The following MLH3 variants were observed in gnomAD, a reference collection of about 807,000 sequenced individuals.
The protein encoded by MLH3 is mutL homolog 3.
A neutral mutation model predicts 122.2 loss-of-function variants in MLH3; 82 were observed. The observed-to-expected ratio is 0.67, with a 90% CI of 0.56 to 0.81. MLH3 has a LOEUF of 0.81. MLH3 is among the 30% of genes least tolerant of loss of function. The probability of loss-of-function intolerance (pLI) is 0.00; values close to 1 mark genes in which losing one functional copy is unlikely to be tolerated. For synonymous variants in MLH3, 524 were observed against 599.5 expected (o/e 0.87, Z 1.84); for missense variants, 1,539 against 1,714.5 (o/e 0.90, Z 1.81).
intron 11 of MLH3, among the ~76,000 whole-genome samples, chr14:75,022,243 T>G (rs175055): frequency 0.44 from 66,556 of 151,948 alleles, 14,993 homozygotes; most frequent in Middle Eastern, 0.52. Flanking sequence ...CAAAATAATC[T>G]GTACACCAAA....
chr14:75,018,242 C>T (rs540418500), intron 12 of MLH3, among the ~76,000 whole-genome samples: 105 of 152,330 alleles, frequency 6.9e-4, no homozygotes, highest in Middle Eastern at 3.4e-3. Flanking sequence ...ATAACAAGGA[C>T]AGAAGTTCTT....
At chr14:75,025,043 C>G (rs959200274) in intron 9 of MLH3, among the ~76,000 whole-genome samples, 6 of 152,200 alleles carry the variant, frequency 3.9e-5, no homozygotes, top group African/African-American at 1.4e-4. Flanking sequence ...GCCAAGATGA[C>G]CCAAGAGCTG....
In MLH3 at chr14:75,030,643, T is replaced by A; in HGVS notation, c.3887A>T (p.Asp1296Val). The change falls in exon 9 of 13, where the codon GAT (aspartate) becomes GTT (valine). Residue 1296 changes from aspartate (D) to valine (V), a missense_variant. Coordinates refer to ENST00000355774, the MANE Select transcript of MLH3 (RefSeq NM_001040108.2). ...TACTTTTCCCACAAGGACCAGAGAA[T>A]CACTAGTGTCTGGAAATACAAATTC... ...GLEFVFPDTS[D>V]SLVLVGKVPL... The A allele has an allele frequency of 6.2e-7, 1 of 1,614,002 alleles. No individual in the cohort carries two copies. Among genetic ancestry groups the A allele is most frequent in the Non-Finnish European group, 8.5e-7 (1 of 1,179,934 alleles).
At position 75,017,007 on chromosome 14, in the gene MLH3, CCTG is replaced by C. The variant is rs1889925137; in HGVS notation, c.*72_*74del. On this transcript the variant is annotated 3_prime_UTR_variant, in exon 13 of 13. Coordinates refer to ENST00000355774, the MANE Select transcript of MLH3 (RefSeq NM_001040108.2). Reference sequence around the variant, plus strand: ...TGATTCAGTCAGGGCCGTGCTGGTACCTGCTGCTGCTGCTCTCTGCTCAGAGGC... The same window carrying C: ...TGATTCAGTCAGGGCCGTGCTGGTACCTGCTGCTGCTCTCTGCTCAGAGGC... 4.7e-5 allele frequency: 74 copies of C among 1,572,680 alleles called. No homozygotes were observed. Among genetic ancestry groups the C allele is most frequent in the Non-Finnish European group, 5.4e-5 (62 of 1,146,804 alleles).
chr14:75,018,742 A>G (rs1890062913), intron 12 of MLH3, 87 bp downstream of exon 12: 2 of 1,473,866 alleles, frequency 1.4e-6, no homozygotes, highest in Admixed American at 3.3e-5. Context: ...GGAAAGGTTA[A>G]GACAGATTAC....
At chr14:75,039,847 ATATATATATATATATATATAT>A in intron 5 of MLH3, 43 bp downstream of exon 5, 1 of 9,050 alleles carries the variant, frequency 1.1e-4, no homozygotes, top group Non-Finnish European at 1.8e-4. Context: ...GAGTTAGGCC[ATATATATATATATATATATAT>A]ATATATATAT....
intron 9 of MLH3, 103 bp from the exon 10 acceptor site, chr14:75,023,121 TGAAA>T (rs1389636219): frequency 2.3e-6 from 3 of 1,328,296 alleles, no homozygotes; most frequent in Non-Finnish European, 3.3e-6. Context: ...TCATGCCTCC[TGAAA>T]GAAAGAGTTC....
rs1892389640 is a variant in MLH3, at chr14:75,048,103, A to G, written c.1553T>C (p.Phe518Ser). Residue 518 changes from phenylalanine (F) to serine (S), a missense_variant, in exon 2 of 13, where the codon TTT becomes TCT. By Grantham distance (155) the Phe-to-Ser change is radical. Coordinates refer to ENST00000355774, the MANE Select transcript of MLH3 (RefSeq NM_001040108.2). ...FLSPFQTPCH[F>S]EESGQDLEIW... The stretch of plus-strand genomic sequence containing the variant: ...TTCTAGATCCTGCCCACTCTCCTCA[A>G]AGTGACATGGTGTCTGAAAAGGGCT... 1 of 1,614,068 alleles carries G rather than the reference A, an allele frequency of 6.2e-7. No homozygotes were observed. The highest frequency in any genetic ancestry group is 1.7e-5 in the Admixed American group (1 of 60,012).
In MLH3 at chr14:75,042,515, A is replaced by C. The variant is rs368119541; in HGVS notation, c.3281-38T>G. 5.9e-5 allele frequency: 87 copies of C among 1,481,876 alleles called. No individual in the cohort carries two copies. In the Admixed American group the frequency reaches 7.0e-4, roughly 12 times the overall value. The allele number at this position is 1,481,876 out of a possible 1,614,324, so 91.8% of individuals were successfully genotyped here. A position where few individuals can be genotyped will look rare whatever the true frequency, so the allele number is the denominator to read the frequency against. On this transcript the variant is annotated intron_variant, in intron 2 of 12. Coordinates refer to ENST00000355774, the MANE Select transcript of MLH3 (RefSeq NM_001040108.2). ...AAGAAAAACCTAGAAATGTGAACTTAAAATACAAGTAAACTCTTTAAAAAT... is the reference window on the plus strand; with the variant it reads ...AAGAAAAACCTAGAAATGTGAACTTCAAATACAAGTAAACTCTTTAAAAAT...
chr14:75,050,423 A>G (rs1892580790), intron 1 of MLH3, among the ~76,000 whole-genome samples: 1 of 152,058 alleles, frequency 6.6e-6, no homozygotes, highest in Non-Finnish European at 1.5e-5. Flanking sequence ...CTTTTTTGAA[A>G]CAGTCTCACT....
At chr14:75,018,343 C>T (rs930113858) in intron 12 of MLH3, among the ~76,000 whole-genome samples, 6 of 152,052 alleles carry the variant, frequency 3.9e-5, no homozygotes, top group African/African-American at 1.4e-4. Flanking sequence ...TGTAGAGATC[C>T]CCAAGCTTGG....
In MLH3 at chr14:75,047,307, A is replaced by C; in HGVS notation, c.2349T>G (p.Ser783Arg). The change falls in exon 2 of 13, where the codon AGT becomes AGG. Residue 783 changes from serine to arginine, a missense_variant. Ser to Arg is a moderately radical substitution (Grantham distance 110). Transcript: ENST00000355774. ...GCAGAATGTCAGGTTCAACTTGAAGACTGAGATTGGTAGTGACTCCATTAC... is the reference window on the plus strand; with the variant it reads ...GCAGAATGTCAGGTTCAACTTGAAGCCTGAGATTGGTAGTGACTCCATTAC... ...EESNGVTTNL[S>R]LQVEPDILLK... 6.2e-7 allele frequency: 1 copy of C among 1,614,050 alleles called. No individual in the cohort carries two copies. Among genetic ancestry groups the C allele is most frequent in the South Asian group, 1.1e-5 (1 of 91,082 alleles).
chr14:75,037,477 T>G, intron 6 of MLH3, among the ~76,000 whole-genome samples: 1 of 152,224 alleles, frequency 6.6e-6, no homozygotes, highest in East Asian at 1.9e-4. Flanking sequence ...GGCACTCAAT[T>G]AATACTTGTT....
At chr14:75,041,803 C>G in intron 3 of MLH3, 103 bp from the exon 4 acceptor site, 1 of 789,942 alleles carries the variant, frequency 1.3e-6, no homozygotes, top group Non-Finnish European at 2.3e-6. Context: ...CCAAAGGTCA[C>G]GTACATTGTT....
rs751019293 is a variant in MLH3, at chr14:75,047,986, G to A, written c.1670C>T (p.Ala557Val). The change falls in exon 2 of 13, where the codon GCT (alanine) becomes GTT (valine). Residue 557 changes from alanine (A) to valine (V), a missense_variant. Coordinates refer to ENST00000355774, the MANE Select transcript of MLH3 (RefSeq NM_001040108.2). ...CAGAGGCTGGCATCCCACTTCAGTA[G>A]CATCTTTAAATCTCTTTGGTTGATT... ...IQNQPKRFKD[A>V]TEVGCQPLPF... 1.2e-6 allele frequency: 2 copies of A among 1,614,050 alleles called. No homozygotes were observed. Among genetic ancestry groups the A allele is most frequent in the South Asian group, 1.1e-5 (1 of 91,080 alleles).
chr14:75,024,036 G>A (rs1016509146), intron 9 of MLH3, among the ~76,000 whole-genome samples: 2 of 152,210 alleles, frequency 1.3e-5, no homozygotes, highest in Non-Finnish European at 2.9e-5. Context: ...AGTGTGGATG[G>A]AGAGCAAACA....
rs2139412376 is a variant in MLH3 at position 75,033,422 on chromosome 14, T to C, written c.3712A>G (p.Ile1238Val). 1.2e-6 allele frequency: 2 copies of C among 1,614,086 alleles called. No individual in the cohort carries two copies. Among genetic ancestry groups the C allele is most frequent in the South Asian group, 1.1e-5 (1 of 91,078 alleles). Reference protein sequence around the residue: ...HERIRLEQLIIDSYEKQQAQG... With the variant: ...HERIRLEQLIVDSYEKQQAQG... Reference sequence around the variant, plus strand: ...CTGGCTGCAAACAGATCCTTACCAATGATAAGCTGCTCCAGACGTATACGC... The same window carrying C: ...CTGGCTGCAAACAGATCCTTACCAACGATAAGCTGCTCCAGACGTATACGC... Residue 1238 changes from isoleucine to valine, a missense_variant, in exon 7 of 13, where the codon ATT (isoleucine) becomes GTT (valine). By Grantham distance (29) the Ile-to-Val change is conservative. Coordinates refer to ENST00000355774, the MANE Select transcript of MLH3 (RefSeq NM_001040108.2).
chr14:75,049,786 T>C (rs1303909323), intron 1 of MLH3, 68 bp from the exon 2 acceptor site: 2 of 941,778 alleles, frequency 2.1e-6, no homozygotes, highest in Non-Finnish European at 1.6e-6. Flanking sequence ...TATGAAGAAA[T>C]AGCACTTGAG....
At chr14:75,025,028 G>GCAAA (rs1890540118) in intron 9 of MLH3, among the ~76,000 whole-genome samples, 1 of 152,164 alleles carries the variant, frequency 6.6e-6, no homozygotes, top group African/African-American at 2.4e-5. Flanking sequence ...TCTGGAAAGG[G>GCAAA]CAAAGCCAAG....
Sources: allele counts gnomAD v4.1 joint callset (sites outside exome capture counted in the v4.1 genomes callset), GRCh38; gene constraint gnomAD v4.1.1; transcripts MANE v1.5; gene names NCBI Gene and HGNC (gene_info 2026-07-23, HGNC 2026-07-21).